The following KPNA3 variants were observed in gnomAD, a reference collection of about 807,000 sequenced individuals.
KPNA3 encodes the protein karyopherin subunit alpha 3.
In KPNA3, 13 loss-of-function variants were observed where a neutral mutation model predicts 73.8. The ratio of observed to expected loss-of-function variants is 0.18; its 90% CI spans 0.11 to 0.28. KPNA3 has a LOEUF of 0.28. Among genes scored for constraint, KPNA3 ranks in the 10% least tolerant of loss-of-function variants. The pLI is 1.00. For synonymous variants in KPNA3, 186 were observed against 206.9 expected (o/e 0.90, Z 0.87); for missense variants, 360 against 618.1 (o/e 0.58, Z 4.43).
intron 15 of KPNA3, among the ~76,000 whole-genome samples, chr13:49,704,616 CATT>C (rs1261610974): frequency 1.3e-5 from 2 of 151,904 alleles, no homozygotes; most frequent in Non-Finnish European, 2.9e-5. Flanking sequence ...TAAAACATGA[CATT>C]ATGATAAACT....
At chr13:49,750,187 A>G (rs936094820) in intron 1 of KPNA3, among the ~76,000 whole-genome samples, 1 of 152,228 alleles carries the variant, frequency 6.6e-6, no homozygotes, top group African/African-American at 2.4e-5. Context: ...TCGGCAAACT[A>G]TAACCTGTGT....
chr13:49,719,530 C>T (rs1412594136), intron 10 of KPNA3, among the ~76,000 whole-genome samples: 5 of 152,122 alleles, frequency 3.3e-5, no homozygotes, highest in Non-Finnish European at 7.4e-5. Flanking sequence ...AAAAACACTA[C>T]TTAATAATGA....
At chr13:49,770,451 C>CA (rs1186936631) in intron 1 of KPNA3, among the ~76,000 whole-genome samples, 4 of 152,112 alleles carry the variant, frequency 2.6e-5, no homozygotes, top group Non-Finnish European at 1.5e-5. Context: ...GCTGGGATTA[C>CA]AGGTGTGAGC....
At chr13:49,710,748 A>G in intron 11 of KPNA3, 143 bp downstream of exon 11, 1 of 735,272 alleles carries the variant, frequency 1.4e-6, no homozygotes. Context: ...AAGATTTGGA[A>G]ATCAACAAAA....
At chr13:49,706,419 C>T in intron 12 of KPNA3, 47 bp from the exon 13 acceptor site, 1 of 1,213,562 alleles carries the variant, frequency 8.2e-7, no homozygotes, top group Non-Finnish European at 1.2e-6. Context: ...AAAATAATAC[C>T]TTTAATGTCT....
chr13:49,717,383 TCGCGCCAC>T (rs1954313503), intron 10 of KPNA3, among the ~76,000 whole-genome samples: 1 of 141,220 alleles, frequency 7.1e-6, no homozygotes. Context: ...TGAGCCTAGA[TCGCGCCAC>T]TGCACTCCAG....
intron 1 of KPNA3, among the ~76,000 whole-genome samples, chr13:49,763,566 A>C (rs1954785767): frequency 1.3e-5 from 2 of 152,242 alleles, no homozygotes; most frequent in East Asian, 3.8e-4. Context: ...GTGGGAAAAT[A>C]AAAAGATTTC....
intron 1 of KPNA3, among the ~76,000 whole-genome samples, chr13:49,769,047 G>A (rs1403811734): frequency 6.6e-6 from 1 of 152,046 alleles, no homozygotes; most frequent in Non-Finnish European, 1.5e-5. Flanking sequence ...TTAAGAATAG[G>A]CTCTCCTCCA....
chr13:49,782,205 T>C (rs1331192719), intron 1 of KPNA3, among the ~76,000 whole-genome samples: 1 of 152,148 alleles, frequency 6.6e-6, no homozygotes, highest in East Asian at 1.9e-4. Flanking sequence ...AATCAGAAGG[T>C]TGTTTCCAAA....
chr13:49,740,463 T>C (rs2137563076), intron 2 of KPNA3, among the ~76,000 whole-genome samples: 1 of 152,154 alleles, frequency 6.6e-6, no homozygotes, highest in African/African-American at 2.4e-5. Context: ...TGGGAGGTGA[T>C]TAAATTATGG....
intron 1 of KPNA3, among the ~76,000 whole-genome samples, chr13:49,767,217 G>A (rs868447703): frequency 4.0e-5 from 6 of 151,774 alleles, no homozygotes; most frequent in African/African-American, 4.8e-5. Flanking sequence ...AGGAGTTCGA[G>A]ACCAGCCTGG....
At chr13:49,785,262 G>C (rs372362124) in intron 1 of KPNA3, among the ~76,000 whole-genome samples, 1 of 152,164 alleles carries the variant, frequency 6.6e-6, no homozygotes, top group South Asian at 2.1e-4. Context: ...GAAGGTGACA[G>C]GTAATAAGGC....
chr13:49,786,176 A>AAT (rs1457182052), intron 1 of KPNA3, among the ~76,000 whole-genome samples: 2 of 152,188 alleles, frequency 1.3e-5, no homozygotes, highest in African/African-American at 4.8e-5. Context: ...ACCAAAAGAA[A>AAT]ATTAATGTCT....
At chr13:49,721,712 C>A (rs1954360444) in intron 9 of KPNA3, among the ~76,000 whole-genome samples, 1 of 152,024 alleles carries the variant, frequency 6.6e-6, no homozygotes, top group African/African-American at 2.4e-5. Flanking sequence ...CCCAGCTACT[C>A]AGGAGGCTGA....
chr13:49,749,804 G>T (rs78495734), intron 1 of KPNA3, among the ~76,000 whole-genome samples: 3 of 152,098 alleles, frequency 2.0e-5, no homozygotes, highest in African/African-American at 7.2e-5. Context: ...TTATTCACCC[G>T]AAAGAATCAT....
At chr13:49,777,627 A>C (rs1954907928) in intron 1 of KPNA3, among the ~76,000 whole-genome samples, 1 of 151,370 alleles carries the variant, frequency 6.6e-6, no homozygotes, top group Non-Finnish European at 1.5e-5. Context: ...CAGCCTCCCA[A>C]GGAGCTTGGA....
At chr13:49,776,792 C>T (rs941368093) in intron 1 of KPNA3, among the ~76,000 whole-genome samples, 3 of 152,082 alleles carry the variant, frequency 2.0e-5, no homozygotes, top group African/African-American at 7.2e-5. Flanking sequence ...TTTATTTATG[C>T]ATAATCTAAA....
chr13:49,755,864 C>A (rs1954706590), intron 1 of KPNA3, among the ~76,000 whole-genome samples: 1 of 152,010 alleles, frequency 6.6e-6, no homozygotes, highest in Admixed American at 6.6e-5. Context: ...AGGAATATAC[C>A]AAAAACTTTC....
chr13:49,706,514 A>T (rs1435994995), intron 12 of KPNA3, 142 bp from the exon 13 acceptor site: 2 of 558,910 alleles, frequency 3.6e-6, no homozygotes, highest in African/African-American at 3.8e-5. Context: ...AGGTATACAA[A>T]ATCTTCCATT....
Sources: gnomAD v4.1 joint callset for allele counts (sites outside exome capture counted in the v4.1 genomes callset) on GRCh38, gnomAD v4.1.1 for gene constraint, MANE v1.5 for transcripts, NCBI Gene and HGNC (gene_info 2026-07-23, HGNC 2026-07-21) for gene names.